DISP1: variants seen among roughly 807,000 people sequenced by gnomAD.
DISP1 encodes the protein protein dispatched homolog 1.
In DISP1, 30 loss-of-function variants were observed where a neutral mutation model predicts 37.3. The observed-to-expected ratio is 0.80, with a 90% CI of 0.60 to 1.09. The LOEUF is 1.09. Ranked by LOEUF, DISP1 falls within the 50% of genes least tolerant of loss-of-function variation. DISP1 has a pLI of 0.00. For synonymous variants in DISP1, 634 were observed against 690.2 expected, an observed-to-expected ratio of 0.92 and a Z score of 1.28; for missense variants, 1,598 against 1,879.5, an observed-to-expected ratio of 0.85 and a Z score of 2.77.
At chr1:222,989,461 A>G in intron 4 of DISP1, 1 of 985,454 alleles carries the variant, frequency 1.0e-6, no homozygotes, top group Non-Finnish European at 1.2e-6. Flanking sequence ...TGGAAGTGCC[A>G]AAATAATAAC....
At chr1:222,908,062 G>T (rs1672006301) in intron 1 of DISP1, among the ~76,000 whole-genome samples, 1 of 152,140 alleles carries the variant, frequency 6.6e-6, no homozygotes, top group African/African-American at 2.4e-5. Flanking sequence ...TTGCGCTTTG[G>T]TGGAGAACCG....
At chr1:222,951,130 T>C (rs1183120194) in intron 3 of DISP1, among the ~76,000 whole-genome samples, 3 of 152,064 alleles carry the variant, frequency 2.0e-5, no homozygotes, top group Non-Finnish European at 4.4e-5. Context: ...CTATACAGAG[T>C]TAAGAATGCT....
At position 222,826,353 on chromosome 1, in the gene DISP1, T is replaced by C. The variant is rs563777091; in HGVS notation, c.-159+11275T>C. 3.3e-5 allele frequency among the ~76,000 whole-genome samples: 5 copies of C among 151,760 alleles called. No individual in the cohort carries two copies. The East Asian group carries it at 9.7e-4, about 30-fold the overall frequency. On this transcript the variant is annotated intron_variant, in intron 1 of 8. Coordinates refer to ENST00000675850, the MANE Select transcript of DISP1 (RefSeq NM_001377229.1). The stretch of plus-strand genomic sequence containing the variant: ...AGAGCTCTGGGCTCAATTGCAGATT[T>C]GTAGTCTCCTTTACACTTTAATACT...
intron 1 of DISP1, among the ~76,000 whole-genome samples, chr1:222,923,046 A>T (rs895884408): frequency 6.6e-6 from 1 of 152,162 alleles, no homozygotes; most frequent in African/African-American, 2.4e-5. Context: ...TGGGGTTAAA[A>T]CTTGAGTATT....
intron 1 of DISP1, among the ~76,000 whole-genome samples, chr1:222,858,724 T>TA (rs367810671): frequency 1.8e-5 from 2 of 109,014 alleles, no homozygotes; most frequent in Admixed American, 1.7e-4. Context: ...ACAAACTTTT[T>TA]AAAAAAAAGC....
intron 1 of DISP1, among the ~76,000 whole-genome samples, chr1:222,905,712 A>G (rs1013373035): frequency 2.0e-5 from 3 of 152,178 alleles, no homozygotes; most frequent in African/African-American, 4.8e-5. Flanking sequence ...AATTGGGTCT[A>G]TCTGAAAGCT....
intron 3 of DISP1, among the ~76,000 whole-genome samples, chr1:222,978,243 G>A (rs1677546155): frequency 6.6e-6 from 1 of 152,068 alleles, no homozygotes; most frequent in African/African-American, 2.4e-5. Flanking sequence ...ATCTCGTTGT[G>A]GTTTTGATTT....
intron 3 of DISP1, among the ~76,000 whole-genome samples, chr1:222,963,152 C>T (rs180845876): frequency 1.1e-4 from 17 of 152,054 alleles, no homozygotes; most frequent in Admixed American, 2.6e-4. Flanking sequence ...GACATTTATG[C>T]GGCCAAGAAA....
intron 1 of DISP1, among the ~76,000 whole-genome samples, chr1:222,908,592 C>T (rs1048872721): frequency 2.6e-5 from 4 of 152,120 alleles, no homozygotes; most frequent in East Asian, 1.9e-4. Flanking sequence ...GATGGGATTT[C>T]GCCATGCTGG....
chr1:222,878,324 T>G (rs576771469), intron 1 of DISP1, among the ~76,000 whole-genome samples: 1 of 152,310 alleles, frequency 6.6e-6, no homozygotes, highest in African/African-American at 2.4e-5. Flanking sequence ...TTCACCCTAA[T>G]GATTCTTTTA....
intron 3 of DISP1, among the ~76,000 whole-genome samples, chr1:222,945,455 T>G (rs1438763089): frequency 6.6e-6 from 1 of 152,240 alleles, no homozygotes; most frequent in Non-Finnish European, 1.5e-5. Flanking sequence ...ATAAGATAGA[T>G]ATTTCTGCAT....
intron 3 of DISP1, among the ~76,000 whole-genome samples, chr1:222,966,432 C>A (rs1306233944): frequency 2.0e-5 from 3 of 152,040 alleles, no homozygotes; most frequent in Non-Finnish European, 2.9e-5. Flanking sequence ...TCTAAAACTT[C>A]AAGAGAAAAA....
chr1:222,965,493 G>C (rs1442506964), intron 3 of DISP1, among the ~76,000 whole-genome samples: 1 of 152,076 alleles, frequency 6.6e-6, no homozygotes, highest in African/African-American at 2.4e-5. Flanking sequence ...TGACTCCTTT[G>C]ACAAACTCAT....
chr1:222,859,353 G>A (rs1668747508), intron 1 of DISP1, among the ~76,000 whole-genome samples: 1 of 152,146 alleles, frequency 6.6e-6, no homozygotes, highest in African/African-American at 2.4e-5. Context: ...GGGGGAGGGA[G>A]AGCATTAGGA....
intron 1 of DISP1, among the ~76,000 whole-genome samples, chr1:222,896,047 T>G (rs1351239996): frequency 6.6e-6 from 1 of 152,200 alleles, no homozygotes; most frequent in Non-Finnish European, 1.5e-5. Flanking sequence ...CAGTGGCTCA[T>G]GCCTGTAATC....
At chr1:222,845,746 G>A (rs115660382) in intron 1 of DISP1, among the ~76,000 whole-genome samples, 1,554 of 152,250 alleles carry the variant, frequency 0.01, 23 homozygotes, top group African/African-American at 0.036. Flanking sequence ...ACCATTTAAT[G>A]TCAGCTCTAT....
chr1:222,904,891 T>A (rs996037954), intron 1 of DISP1, among the ~76,000 whole-genome samples: 5 of 152,202 alleles, frequency 3.3e-5, no homozygotes, highest in Admixed American at 3.3e-4. Context: ...TAATTTCCAG[T>A]CATTTGATTA....
intron 1 of DISP1, among the ~76,000 whole-genome samples, chr1:222,833,593 T>C (rs573244290): frequency 9.9e-5 from 15 of 152,216 alleles, no homozygotes; most frequent in Admixed American, 1.3e-4. Flanking sequence ...CCTTGTTCTT[T>C]AGATTTTACA....
intron 1 of DISP1, among the ~76,000 whole-genome samples, chr1:222,895,010 A>G (rs889831831): frequency 1.3e-5 from 2 of 152,254 alleles, no homozygotes; most frequent in South Asian, 2.1e-4. Context: ...AAAAATAAGC[A>G]TCTGAGTAGG....
Sources: gnomAD v4.1 joint callset for allele counts (sites outside exome capture counted in the v4.1 genomes callset) on GRCh38, gnomAD v4.1.1 for gene constraint, MANE v1.5 for transcripts, NCBI Gene and HGNC (gene_info 2026-07-23, HGNC 2026-07-21) for gene names.